PLOD1: variants seen among roughly 807,000 people sequenced by gnomAD.
The protein encoded by PLOD1 is procollagen-lysine,2-oxoglutarate 5-dioxygenase 1.
In PLOD1, 70 loss-of-function variants were observed where a neutral mutation model predicts 94.7. The ratio of observed to expected loss-of-function variants is 0.74; its 90% confidence interval spans 0.61 to 0.90. The LOEUF (loss-of-function observed/expected upper bound fraction) is 0.90, where lower values mean the gene tolerates loss of function less well. PLOD1 is among the 40% of genes least tolerant of loss of function. PLOD1 has a pLI of 0.00. For synonymous variants in PLOD1, 417 were observed against 400.2 expected (o/e 1.04, Z -0.50); for missense variants, 905 against 972.7 (o/e 0.93, Z 0.93).
intron 1 of PLOD1, among the ~76,000 whole-genome samples, chr1:11,935,866 G>A (rs189757317): frequency 2.4e-3 from 357 of 150,992 alleles, no homozygotes; most frequent in Admixed American, 6.4e-3. Context: ...CTCTTGATCC[G>A]CTGGCCTCAG....
In PLOD1 at chr1:11,935,119, A is replaced by G. The variant is rs1208984; in HGVS notation, c.76+264A>G. On this transcript the variant is annotated intron_variant, in intron 1 of 18. Transcript: ENST00000196061. ...AATAATAATAGTTTTCATAATAATA[A>G]CCGACAATGGCTATTCTGCCCAGTG... Among the ~76,000 whole-genome samples, 63,049 of 152,128 alleles carry G rather than the reference A, an allele frequency of 0.41. 14,136 individuals are homozygous for G. The highest frequency in any genetic ancestry group is 0.59 in the African/African-American group (24,357 of 41,514).
intron 1 of PLOD1, chr1:11,944,622 A>C (rs1026049010): frequency 7.3e-7 from 1 of 1,364,476 alleles, no homozygotes; most frequent in African/African-American, 1.5e-5. Context: ...GCCCTTCCCC[A>C]AGTGTGAGCA....
intron 5 of PLOD1, chr1:11,954,187 CGGCCA>C: frequency 6.2e-6 from 1 of 161,240 alleles, no homozygotes; most frequent in Admixed American, 6.2e-5. Flanking sequence ...TTTGGAGTAG[CGGCCA>C]GGTGCGGTGG....
chr1:11,965,533 A>G lies in PLOD1; in HGVS notation c.1524A>G (p.Leu508=), dbSNP rs1175421377. Residue 508 remains leucine (L), a synonymous_variant, in exon 14 of 19, where the codon CTA becomes CTG. Transcript: ENST00000196061. ...ACACCCTTGGCCATCTGCTCTCCCT[A>G]GACAGCTACCGCACCACCCACCTGC... ...NRHTLGHLLS[L]DSYRTTHLHN... 8 of 1,613,600 alleles carry G rather than the reference A, an allele frequency of 5.0e-6. No homozygotes were observed. Among genetic ancestry groups the G allele is most frequent in the South Asian group, 1.1e-5 (1 of 91,080 alleles).
intron 3 of PLOD1, 132 bp downstream of exon 3, chr1:11,950,038 C>G: frequency 2.1e-6 from 2 of 962,748 alleles, no homozygotes; most frequent in Non-Finnish European, 3.4e-6. Flanking sequence ...TTTAGGGTGT[C>G]CATTCCCGGT....
At position 11,964,776 on chromosome 1, in the gene PLOD1, C is replaced by T. The variant is rs746099980; in HGVS notation, c.1461C>T (p.Ile487=). ...LDPDMAFCAN[I]RQQDVFMFLT... is the part of the protein sequence containing the mutation. Reference sequence around the variant, plus strand: ...CCGACATGGCCTTCTGTGCCAACATCCGGCAGCAGGTCAGCCAGGAGCGGG... The same window carrying T: ...CCGACATGGCCTTCTGTGCCAACATTCGGCAGCAGGTCAGCCAGGAGCGGG... Residue 487 remains isoleucine (I), a synonymous_variant, in exon 13 of 19, where the codon ATC becomes ATT. Transcript: ENST00000196061. 1.3e-5 allele frequency: 21 copies of T among 1,613,538 alleles called. No homozygotes were observed. Among genetic ancestry groups the T allele is most frequent in the Non-Finnish European group, 1.8e-5 (21 of 1,180,042 alleles).
intron 2 of PLOD1, 79 bp from the exon 3 acceptor site, chr1:11,949,694 A>T: frequency 6.8e-7 from 1 of 1,461,788 alleles, no homozygotes; most frequent in Admixed American, 1.7e-5. Flanking sequence ...TGCTGGGATT[A>T]CCAGCATGAG....
rs1262964172 is a variant in PLOD1 at position 11,972,872 on chromosome 1, G to A, written c.1903G>A (p.Ala635Thr). 6.2e-7 allele frequency: 1 copy of A among 1,613,828 alleles called. No homozygotes were observed. The highest frequency in any genetic ancestry group is 1.7e-5 in the Admixed American group (1 of 59,970). ...CTCTTGTCCCCCTGCCTTGGTACAG[G>A]CCCAGTTTGACCTGGCCTTTGTCGT... is the stretch of plus-strand genomic sequence containing the variant. ...EKLYPGYYTR[A>T]QFDLAFVVRY... Residue 635 changes from alanine (A) to threonine (T), a missense_variant and splice_region_variant, in exon 18 of 19, where the codon GCC becomes ACC. Coordinates refer to ENST00000196061, the MANE Select transcript of PLOD1 (RefSeq NM_000302.4). The surrounding 1 kb of genome is among the most constrained non-coding windows in gnomAD (Gnocchi z 4.6).
At chr1:11,965,367 A>C in intron 13 of PLOD1, 113 bp from the exon 14 acceptor site, 1 of 695,066 alleles carries the variant, frequency 1.4e-6, no homozygotes, top group Non-Finnish European at 2.6e-6. Context: ...TGGGAACTTC[A>C]GTTCGGCGGG....
At chr1:11,940,313 C>G (rs540792311) in intron 1 of PLOD1, among the ~76,000 whole-genome samples, 1 of 152,182 alleles carries the variant, frequency 6.6e-6, no homozygotes, top group Admixed American at 6.5e-5. Context: ...GTGAGCCACC[C>G]CACCCTCTGC....
At position 11,950,532 on chromosome 1, in the gene PLOD1, G is replaced by T. The variant is rs774213935; in HGVS notation, c.466+12G>T. 3.7e-6 allele frequency: 6 copies of T among 1,613,058 alleles called. No homozygotes were observed. The African/African-American group carries it at 8.0e-5, about 22-fold the overall frequency. ...CCTGGGCTCTGGAGGTGAGAGGCCT[G>T]GGTGCAGGGCGCTTGGCCCAGCAGA... On this transcript the variant is annotated intron_variant, in intron 4 of 18. Coordinates refer to ENST00000196061, the MANE Select transcript of PLOD1 (RefSeq NM_000302.4).
At position 11,975,224 on chromosome 1, in the gene PLOD1, T is replaced by G. The variant is rs982454795; in HGVS notation, c.*416T>G. 1 of 293,472 alleles carries G rather than the reference T, an allele frequency of 3.4e-6. No homozygotes were observed. The highest frequency in any genetic ancestry group is 6.7e-6 in the Non-Finnish European group (1 of 149,300). 18.2% of individuals were successfully genotyped at this position (293,472 alleles called of 1,614,324 possible). On this transcript the variant is annotated 3_prime_UTR_variant, in exon 19 of 19. Transcript: ENST00000196061. The stretch of plus-strand genomic sequence containing the variant: ...CCAGAGCTTCTCCCAGGCACAGGTG[T>G]TGCACCAGGGACTTCTGCTTCAAGT...
At chr1:11,935,356 G>A (rs1204722887) in intron 1 of PLOD1, among the ~76,000 whole-genome samples, 1 of 152,192 alleles carries the variant, frequency 6.6e-6, no homozygotes, top group African/African-American at 2.4e-5. Context: ...ATGGGAATGA[G>A]GGGTCTTGAG....
At chr1:11,967,201 C>A (rs1276529823) in intron 16 of PLOD1, 110 bp downstream of exon 16, 4 of 739,866 alleles carry the variant, frequency 5.4e-6, no homozygotes, top group Admixed American at 2.0e-5. Flanking sequence ...TTCTGGGACT[C>A]TTGACATAGG....
At chr1:11,952,494 T>C (rs1477101400) in intron 4 of PLOD1, 129 bp from the exon 5 acceptor site, 2 of 729,754 alleles carry the variant, frequency 2.7e-6, no homozygotes, top group Non-Finnish European at 5.0e-6. Flanking sequence ...TCAGGAGGAC[T>C]TCTGAGAGGT....
chr1:11,944,489 C>T, intron 1 of PLOD1: 2 of 1,316,788 alleles, frequency 1.5e-6, no homozygotes, highest in South Asian at 2.4e-5. Context: ...TTTTTCCATC[C>T]ATGAAATGTG....
In PLOD1 at chr1:11,974,979, G is replaced by A. The variant is rs1645894097; in HGVS notation, c.*171G>A. The stretch of plus-strand genomic sequence containing the variant: ...TTCAAAGAGATTCCTGCAGGCCAGA[G>A]GCGGAACACACCTTTATGGCTGGGG... On this transcript the variant is annotated 3_prime_UTR_variant, in exon 19 of 19. Transcript: ENST00000196061. 2 of 730,380 alleles carry A rather than the reference G, an allele frequency of 2.7e-6. No individual in the cohort carries two copies. Among genetic ancestry groups the A allele is most frequent in the Non-Finnish European group, 4.9e-6 (2 of 404,692 alleles). 45.2% of individuals were successfully genotyped at this position (730,380 alleles called of 1,614,324 possible).
At chr1:11,936,531 AT>A (rs1000378724) in intron 1 of PLOD1, among the ~76,000 whole-genome samples, 4 of 150,378 alleles carry the variant, frequency 2.7e-5, no homozygotes, top group East Asian at 3.9e-4. Flanking sequence ...TATTTATTTA[AT>A]TTTTTTTTGA....
Position 11,957,864 on chromosome 1 carries a change from A to G in PLOD1, c.764A>G (p.Asn255Ser), listed in dbSNP as rs538763801. The G allele has an allele frequency of 1.4e-5, 22 of 1,614,104 alleles. No individual in the cohort carries two copies. The Admixed American group carries it at 2.5e-4, about 18-fold the overall frequency. The change falls in exon 8 of 19, where the codon AAC (asparagine) becomes AGC (serine). Residue 255 changes from asparagine to serine, a missense_variant. Asn to Ser is a conservative substitution (Grantham distance 46). Transcript: ENST00000196061. This position sits in a 1 kb window ranked among gnomAD's most constrained non-coding sequence, Gnocchi z 4.1. ...PTKLQLNYLG[N>S]YIPRFWTFET... ...CAGCTGCAGTTGAACTACCTGGGCA[A>G]CTACATCCCGCGCTTCTGGACCTTC...
Sources: gnomAD v4.1 joint callset for allele counts (sites outside exome capture counted in the v4.1 genomes callset) on GRCh38, gnomAD v4.1.1 for gene constraint, Gnocchi (gnomAD v3.1) non-coding constraint, MANE v1.5 for transcripts, NCBI Gene and HGNC (gene_info 2026-07-23, HGNC 2026-07-21) for gene names.